The following STRN3 variants were observed in gnomAD, a reference collection of about 807,000 sequenced individuals.
STRN3 encodes striatin 3.
A neutral mutation model predicts 95.6 loss-of-function variants in STRN3; 29 were observed. The ratio of observed to expected loss-of-function variants is 0.30; its 90% CI spans 0.23 to 0.41. The LOEUF (loss-of-function observed/expected upper bound fraction) is 0.41. STRN3 is among the 10% of genes least tolerant of loss of function. STRN3 has a pLI of 1.00. For missense variants in STRN3, 890 were observed against 972.1 expected, an observed-to-expected ratio of 0.92 and a Z score of 1.12; for synonymous variants, 331 against 357.6, an observed-to-expected ratio of 0.93 and a Z score of 0.84.
intron 13 of STRN3, among the ~76,000 whole-genome samples, chr14:30,908,013 C>A (rs1436467830): frequency 6.6e-6 from 1 of 152,108 alleles, no homozygotes; most frequent in Non-Finnish European, 1.5e-5. Context: ...TGTTTCTTAT[C>A]CCCCATCTTC....
At chr14:31,006,739 A>C (rs1882736294) in intron 1 of STRN3, among the ~76,000 whole-genome samples, 1 of 152,064 alleles carries the variant, frequency 6.6e-6, no homozygotes, top group African/African-American at 2.4e-5. Context: ...ACATACAAAA[A>C]AAAAGGATCT....
Position 30,960,868 on chromosome 14 carries a change from CAAAAA to C in STRN3, c.283-4631_283-4627del, listed in dbSNP as rs56227331. 2.3e-4 allele frequency among the ~76,000 whole-genome samples: 11 copies of C among 47,638 alleles called. No homozygotes were observed. In the South Asian group the frequency reaches 2.4e-3, roughly 10 times the overall value. 31.3% of individuals were successfully genotyped at this position (47,638 alleles called of 152,430 possible). ...TGGGCCACAGAGTGAGACTCCATCT[CAAAAA>C]AAAAAAAAAAAAAAAAATAGAAAGA... On this transcript the variant is annotated intron_variant, in intron 1 of 17. Transcript: ENST00000357479.
intron 9 of STRN3, among the ~76,000 whole-genome samples, chr14:30,917,042 T>C (rs1896758285): frequency 6.6e-6 from 1 of 152,172 alleles, no homozygotes; most frequent in South Asian, 2.1e-4. Context: ...CATTTGTTCT[T>C]TATAAAATGA....
chr14:31,000,014 A>G (rs1001166727), intron 1 of STRN3, among the ~76,000 whole-genome samples: 5 of 152,220 alleles, frequency 3.3e-5, no homozygotes, highest in South Asian at 4.1e-4. Flanking sequence ...AAGAAAAGAG[A>G]TTGTCTATAT....
At chr14:30,936,346 A>T in intron 6 of STRN3, 149 bp downstream of exon 6, 2 of 846,838 alleles carry the variant, frequency 2.4e-6, no homozygotes, top group East Asian at 2.8e-5. Flanking sequence ...TATGTGTGTA[A>T]TGCAAAAAGA....
chr14:30,927,213 T>C (rs1301110039), intron 8 of STRN3, among the ~76,000 whole-genome samples: 1 of 152,076 alleles, frequency 6.6e-6, no homozygotes, highest in African/African-American at 2.4e-5. Flanking sequence ...CTCAGGAGGC[T>C]GAGGTGGGAG....
Position 30,895,065 on chromosome 14 carries a change from AAAAAAAAAAAAAAAGAAG to A in STRN3, c.*328_*345del, listed in dbSNP as rs1896099013. 1 of 207,870 alleles carries A rather than the reference AAAAAAAAAAAAAAAGAAG, an allele frequency of 4.8e-6. No homozygotes were observed. The highest frequency in any genetic ancestry group is 2.4e-5 in the African/African-American group (1 of 40,888). 12.9% of individuals were successfully genotyped at this position (207,870 alleles called of 1,614,324 possible). ...AGCACACAGAGTCCAAAAAAAAAAA[AAAAAAAAAAAAAAAGAAG>A]AAGAAGAAGAGAAAAAAAAAAACTT... On this transcript the variant is annotated 3_prime_UTR_variant, in exon 18 of 18. Coordinates refer to ENST00000357479, the MANE Select transcript of STRN3 (RefSeq NM_001083893.2).
chr14:31,022,927 T>A (rs1883569689), intron 1 of STRN3, among the ~76,000 whole-genome samples: 1 of 152,166 alleles, frequency 6.6e-6, no homozygotes, highest in African/African-American at 2.4e-5. Flanking sequence ...ATCCTTAAGT[T>A]AGTAGGAGAT....
chr14:30,954,821 C>T (rs1013989262), intron 3 of STRN3, among the ~76,000 whole-genome samples: 3 of 151,958 alleles, frequency 2.0e-5, no homozygotes, highest in Non-Finnish European at 4.4e-5. Flanking sequence ...CTTTAACTAG[C>T]CTCCTTTCTT....
chr14:30,933,371 GT>G (rs1269104484), intron 7 of STRN3, among the ~76,000 whole-genome samples: 2 of 147,220 alleles, frequency 1.4e-5, no homozygotes, highest in African/African-American at 5.0e-5. Context: ...GCAAAATCCT[GT>G]TAACTAAATA....
chr14:30,900,891 T>A (rs569587281), intron 16 of STRN3, among the ~76,000 whole-genome samples: 2 of 152,216 alleles, frequency 1.3e-5, no homozygotes, highest in Admixed American at 6.5e-5. Flanking sequence ...TGCTGCTTAT[T>A]TGATATTGAG....
chr14:31,020,119 G>C (rs1009119126), intron 1 of STRN3, among the ~76,000 whole-genome samples: 1 of 152,044 alleles, frequency 6.6e-6, no homozygotes, highest in Non-Finnish European at 1.5e-5. Flanking sequence ...AGGTATTCCC[G>C]ATACTTCAGA....
intron 15 of STRN3, among the ~76,000 whole-genome samples, chr14:30,903,837 A>G (rs1896389798): frequency 6.6e-6 from 1 of 152,220 alleles, no homozygotes; most frequent in South Asian, 2.1e-4. Context: ...ATTAGATTGT[A>G]TATCACTAGT....
chr14:30,913,408 GAC>G (rs2138994841), intron 10 of STRN3, 114 bp downstream of exon 10: 1 of 1,145,080 alleles, frequency 8.7e-7, no homozygotes, highest in African/African-American at 1.5e-5. Flanking sequence ...TCAACACATT[GAC>G]ACAAACTTAT....
chr14:30,941,373 A>G lies in STRN3; in HGVS notation c.717-4749T>C, dbSNP rs763674405. Among the ~76,000 whole-genome samples the G allele has an allele frequency of 1.1e-3, 163 of 152,162 alleles. 1 individual carries two copies. Among genetic ancestry groups the G allele is most frequent in the Non-Finnish European group, 2.0e-3 (138 of 68,026 alleles). On this transcript the variant is annotated intron_variant, in intron 5 of 17. Transcript: ENST00000357479. ...GATTCAACTTCAATATCTTGCTTGT[A>G]AGGGATAAAAGCTGCCAACATACTG...
At chr14:30,944,801 G>T (rs1879281227) in intron 5 of STRN3, among the ~76,000 whole-genome samples, 1 of 151,250 alleles carries the variant, frequency 6.6e-6, no homozygotes, top group South Asian at 2.1e-4. Flanking sequence ...GTAGAGATGG[G>T]GTTTCACCAT....
chr14:30,984,307 A>G (rs1396621012), intron 1 of STRN3, among the ~76,000 whole-genome samples: 1 of 147,692 alleles, frequency 6.8e-6, no homozygotes, highest in East Asian at 2.0e-4. Context: ...AAAGAATTAA[A>G]ACTACGCTGT....
chr14:30,974,054 A>C (rs1880966787), intron 1 of STRN3, among the ~76,000 whole-genome samples: 2 of 152,222 alleles, frequency 1.3e-5, no homozygotes, highest in African/African-American at 4.8e-5. Flanking sequence ...GGAACAAAGC[A>C]AGGAAATCCA....
intron 8 of STRN3, among the ~76,000 whole-genome samples, chr14:30,925,689 T>C (rs1269012532): frequency 6.6e-6 from 1 of 152,180 alleles, no homozygotes. Flanking sequence ...AAAAAGGATA[T>C]GAGTGCTGTA....
Sources: allele counts gnomAD v4.1 joint callset (sites outside exome capture counted in the v4.1 genomes callset), GRCh38; gene constraint gnomAD v4.1.1; transcripts MANE v1.5; gene names NCBI Gene and HGNC (gene_info 2026-07-23, HGNC 2026-07-21).